Variants in ZZEF1 observed in about 807,000 individuals in gnomAD.
ZZEF1 encodes zinc finger ZZ-type and EF-hand domain-containing protein 1.
ZZEF1 carries 157 observed loss-of-function variants against 342.8 expected under a neutral mutation model. That is an observed-to-expected ratio of 0.46 (90% CI 0.40 to 0.52). The LOEUF (loss-of-function observed/expected upper bound fraction) is 0.52. ZZEF1 is among the 20% of genes least tolerant of loss of function. ZZEF1 has a pLI of 0.00. For missense variants in ZZEF1, 3,480 were observed against 3,725.6 expected (o/e 0.93, Z 1.72); for synonymous variants, 1,505 against 1,429.1 (o/e 1.05, Z -1.20).
rs760747628 is a variant in ZZEF1, at chr17:4,032,988, T to A, written c.6599A>T (p.Asp2200Val). Residue 2200 changes from aspartate to valine, a missense_variant, in exon 41 of 55, where the codon GAC becomes GTC. Transcript: ENST00000381638. ...GATCTCTGCCATGGAGCACGCCCAG[T>A]CCAAGCCCACCCGGCTGGAAGGCAA... ...AVCLDSRVGL[D>V]WACSMAEILR... The A allele has an allele frequency of 1.3e-5, 20 of 1,578,988 alleles. No homozygotes were observed. Among genetic ancestry groups the A allele is most frequent in the Non-Finnish European group, 1.5e-5 (18 of 1,161,988 alleles).
chr17:4,054,347 T>A lies in ZZEF1; in HGVS notation c.5296-152A>T, dbSNP rs561302721. ...AATGAATAAGCTCCTCAGTGTCTAG[T>A]TGGGAATTCCATCAAGGAGGTGATG... is the stretch of plus-strand genomic sequence containing the variant. On this transcript the variant is annotated intron_variant, in intron 33 of 54. Coordinates refer to ENST00000381638, the MANE Select transcript of ZZEF1 (RefSeq NM_015113.4). 3.4e-5 allele frequency: 29 copies of A among 844,388 alleles called. 1 individual carries two copies. The South Asian group carries it at 5.4e-4, about 16-fold the overall frequency. 52.3% of individuals were successfully genotyped at this position (844,388 alleles called of 1,614,324 possible).
chr17:4,101,702 C>T (rs1642375084), intron 9 of ZZEF1, among the ~76,000 whole-genome samples: 1 of 152,198 alleles, frequency 6.6e-6, no homozygotes, highest in Non-Finnish European at 1.5e-5. Flanking sequence ...TCTCAGTTCA[C>T]TGCAACCTCA....
Position 4,142,614 on chromosome 17 carries a change from A to T in ZZEF1, c.282T>A (p.Ser94=). Residue 94 remains serine (S), a synonymous_variant, in exon 1 of 55, where the codon TCT becomes TCA. Transcript: ENST00000381638. The stretch of plus-strand genomic sequence containing the variant: ...GCTCCCGGAACTGCTCCAGAGTGAC[A>T]GACTCTTCGCCGCGGCCCAGCCGCT... The part of the protein sequence containing the change: ...LEERLGRGEE[S]VTLEQFRELL... The T allele has an allele frequency of 1.2e-6, 2 of 1,605,346 alleles. No individual in the cohort carries two copies. Among genetic ancestry groups the T allele is most frequent in the Non-Finnish European group, 8.5e-7 (1 of 1,179,692 alleles).
At position 4,017,912 on chromosome 17, in the gene ZZEF1, T is replaced by C; in HGVS notation, c.7565A>G (p.Gln2522Arg). ...TTCCAGCCTCAGACTCTTACTGGGC[T>C]GCCACCGCTGAGCCAGGGACCGTAT... ...ERIRSLAQRWQPSKSLRLEEQ... is the reference protein window; with the variant it reads ...ERIRSLAQRWRPSKSLRLEEQ... The change falls in exon 47 of 55, where the codon CAG (glutamine) becomes CGG (arginine). Residue 2522 changes from glutamine (Q) to arginine (R), a missense_variant. Gln to Arg is a conservative substitution (Grantham distance 43, BLOSUM62 1). This residue lies in a region of ZZEF1 where 1,269 missense variants were observed against 1,342.4 expected (regional missense o/e 0.95). Coordinates refer to ENST00000381638, the MANE Select transcript of ZZEF1 (RefSeq NM_015113.4). This position sits in a 1 kb window ranked among gnomAD's most constrained non-coding sequence, Gnocchi z 5.1. The C allele has an allele frequency of 6.2e-7, 1 of 1,614,172 alleles. No homozygotes were observed. The highest frequency in any genetic ancestry group is 8.5e-7 in the Non-Finnish European group (1 of 1,180,048).
At chr17:4,080,161 A>C (rs1285543488) in intron 18 of ZZEF1, among the ~76,000 whole-genome samples, 1 of 152,196 alleles carries the variant, frequency 6.6e-6, no homozygotes, top group Non-Finnish European at 1.5e-5. Context: ...TTTCTGTCAA[A>C]TATCCCAAGT....
intron 9 of ZZEF1, among the ~76,000 whole-genome samples, chr17:4,101,277 G>A (rs943989993): frequency 6.6e-6 from 1 of 152,136 alleles, no homozygotes; most frequent in Non-Finnish European, 1.5e-5. Flanking sequence ...GGCAACCACT[G>A]AGAACATACG....
At chr17:4,091,734 G>A (rs915350601) in intron 11 of ZZEF1, among the ~76,000 whole-genome samples, 13 of 151,488 alleles carry the variant, frequency 8.6e-5, no homozygotes, top group African/African-American at 1.2e-4. Context: ...CTGAGATCAC[G>A]CCATTGCACT....
intron 5 of ZZEF1, 25 bp from the exon 6 acceptor site, chr17:4,109,888 A>C (rs1166354275): frequency 3.1e-6 from 5 of 1,612,868 alleles, no homozygotes; most frequent in Non-Finnish European, 4.2e-6. Flanking sequence ...CAAAAAATTC[A>C]GTATTGGATT....
At chr17:4,085,913 G>C in intron 15 of ZZEF1, 110 bp from the exon 16 acceptor site, 1 of 1,368,096 alleles carries the variant, frequency 7.3e-7, no homozygotes, top group South Asian at 1.4e-5. Flanking sequence ...CTTAATACCA[G>C]AGTGAAGAAG....
chr17:4,094,342 G>T (rs1269283422), intron 11 of ZZEF1, among the ~76,000 whole-genome samples: 1 of 151,864 alleles, frequency 6.6e-6, no homozygotes, highest in Non-Finnish European at 1.5e-5. Flanking sequence ...TAGAGATGGG[G>T]GTCTCACTAT....
intron 31 of ZZEF1, among the ~76,000 whole-genome samples, chr17:4,058,732 C>T (rs1201264952): frequency 6.6e-6 from 1 of 152,076 alleles, no homozygotes; most frequent in African/African-American, 2.4e-5. Context: ...GAAAATTAGC[C>T]GGGCATGGTG....
chr17:4,060,410 C>T (rs921987053), intron 30 of ZZEF1, among the ~76,000 whole-genome samples: 1 of 152,022 alleles, frequency 6.6e-6, no homozygotes, highest in Non-Finnish European at 1.5e-5. Context: ...AGTAAAAATA[C>T]AAAAATTAGC....
chr17:4,063,699 C>A (rs2057330487), intron 29 of ZZEF1, among the ~76,000 whole-genome samples: 1 of 150,384 alleles, frequency 6.6e-6, no homozygotes, highest in South Asian at 2.1e-4. Context: ...GTAGCTGGGA[C>A]TACGGGCAGG....
intron 38 of ZZEF1, 38 bp from the exon 39 acceptor site, chr17:4,042,606 C>G: frequency 1.2e-6 from 2 of 1,603,406 alleles, no homozygotes; most frequent in Non-Finnish European, 1.7e-6. Context: ...TTGCCTGCAT[C>G]TCCACATGTA....
At chr17:4,079,873 A>G (rs2057689957) in intron 18 of ZZEF1, among the ~76,000 whole-genome samples, 1 of 152,256 alleles carries the variant, frequency 6.6e-6, no homozygotes, top group South Asian at 2.1e-4. Flanking sequence ...CACTAAGTTC[A>G]GTCAAAAGAT....
rs897462964 is a variant in ZZEF1 at position 4,008,664 on chromosome 17, T to C, written c.8805+219A>G. On this transcript the variant is annotated intron_variant, in intron 54 of 54. Coordinates refer to ENST00000381638, the MANE Select transcript of ZZEF1 (RefSeq NM_015113.4). The surrounding 1 kb of genome is among the most constrained non-coding windows in gnomAD (Gnocchi z 4.2). ...GTTTTGGTTTTAAAGACACAAATTC[T>C]TCTGACCCCACAGTTTAGAGTGAAT... is the stretch of plus-strand genomic sequence containing the variant. The C allele has an allele frequency of 8.0e-7, 1 of 1,253,970 alleles. No individual in the cohort carries two copies. Among genetic ancestry groups the C allele is most frequent in the Non-Finnish European group, 1.0e-6 (1 of 998,204 alleles). 77.7% of individuals were successfully genotyped at this position (1,253,970 alleles called of 1,614,324 possible). A position where few individuals can be genotyped will look rare whatever the true frequency, so the allele number is the denominator to read the frequency against.
In ZZEF1 at chr17:4,059,155, T is replaced by TA. The variant is rs1453293600; in HGVS notation, c.5003+15dup. On this transcript the variant is annotated intron_variant, in intron 31 of 54. Coordinates refer to ENST00000381638, the MANE Select transcript of ZZEF1 (RefSeq NM_015113.4). ...ATACATTTTTTTTCTCTAGAAATGATAAAGTTATCCAGTACCTGTCATTTA... is the reference window on the plus strand; with the variant it reads ...ATACATTTTTTTTCTCTAGAAATGATAAAAGTTATCCAGTACCTGTCATTTA... 6.5e-7 allele frequency: 1 copy of TA among 1,548,638 alleles called. No homozygotes were observed.
intron 9 of ZZEF1, among the ~76,000 whole-genome samples, chr17:4,098,829 A>G (rs1179157154): frequency 3.3e-5 from 5 of 152,262 alleles, no homozygotes; most frequent in Non-Finnish European, 5.9e-5. Context: ...ATCTAGTTCT[A>G]TGAAAGAGCA....
At position 4,017,263 on chromosome 17, in the gene ZZEF1, C is replaced by T; in HGVS notation, c.8001+108G>A. 6.9e-7 allele frequency: 1 copy of T among 1,451,044 alleles called. No individual in the cohort carries two copies. Among genetic ancestry groups the T allele is most frequent in the South Asian group, 1.3e-5 (1 of 74,908 alleles). The allele number at this position is 1,451,044 out of a possible 1,614,324, so 89.9% of individuals were successfully genotyped here. Reference sequence around the variant, plus strand: ...TGCTGCATTCACACCTGTCAGGGAGCTGCACAGCCACACAGGTAGCCTCGC... The same window carrying T: ...TGCTGCATTCACACCTGTCAGGGAGTTGCACAGCCACACAGGTAGCCTCGC... On this transcript the variant is annotated intron_variant, in intron 48 of 54. Transcript: ENST00000381638. This position sits in a 1 kb window ranked among gnomAD's most constrained non-coding sequence, Gnocchi z 5.1.
Sources: gnomAD v4.1 joint callset for allele counts (sites outside exome capture counted in the v4.1 genomes callset) on GRCh38, gnomAD v4.1.1 for gene constraint, gnomAD v4.1.1 regional missense constraint, Gnocchi (gnomAD v3.1) non-coding constraint, MANE v1.5 for transcripts, NCBI Gene and HGNC (gene_info 2026-07-23, HGNC 2026-07-21) for gene names.